The following TANC2 variants were observed in gnomAD, a reference collection of about 807,000 sequenced individuals.
The protein encoded by TANC2 is protein TANC2.
In TANC2, 26 loss-of-function variants were observed where a neutral mutation model predicts 210.5. The observed-to-expected ratio is 0.12, with a 90% CI of 0.09 to 0.17. TANC2 has a LOEUF of 0.17. Ranked by LOEUF, TANC2 falls within the 10% of genes least tolerant of loss-of-function variation. The probability of loss-of-function intolerance (pLI) is 1.00; values close to 1 mark genes in which losing one functional copy is unlikely to be tolerated. For missense variants in TANC2, 2,129 were observed against 2,608.9 expected, an observed-to-expected ratio of 0.82 and a Z score of 4.01; for synonymous variants, 931 against 967.1, an observed-to-expected ratio of 0.96 and a Z score of 0.69.
intron 2 of TANC2, among the ~76,000 whole-genome samples, chr17:63,070,253 T>A (rs1045391741): frequency 2.0e-5 from 3 of 152,210 alleles, no homozygotes; most frequent in Non-Finnish European, 4.4e-5. Flanking sequence ...CAGTGCATTG[T>A]GCACTTTTAG....
intron 21 of TANC2, among the ~76,000 whole-genome samples, chr17:63,408,989 G>A (rs989929817): frequency 2.1e-5 from 3 of 145,990 alleles, no homozygotes; most frequent in African/African-American, 8.4e-5. Flanking sequence ...ATTTTAGACT[G>A]ATTACAAAAC....
intron 17 of TANC2, among the ~76,000 whole-genome samples, chr17:63,393,778 T>C (rs1209285864): frequency 1.2e-5 from 1 of 85,212 alleles, no homozygotes; most frequent in Non-Finnish European, 2.5e-5. Context: ...TTATTATTAT[T>C]TTTTTTTTTT....
chr17:63,125,707 T>G (rs1598435863), intron 4 of TANC2, among the ~76,000 whole-genome samples: 2 of 152,354 alleles, frequency 1.3e-5, no homozygotes, highest in Non-Finnish European at 2.9e-5. Context: ...TTCTCCTTCC[T>G]TGTTTTATTT....
At chr17:63,141,595 C>T (rs999027886) in intron 4 of TANC2, among the ~76,000 whole-genome samples, 22 of 151,116 alleles carry the variant, frequency 1.5e-4, no homozygotes, top group African/African-American at 5.1e-4. Context: ...TTTTATTTGT[C>T]GTTACATAGC....
At chr17:63,331,196 T>C (rs1002193330) in intron 11 of TANC2, among the ~76,000 whole-genome samples, 15 of 152,384 alleles carry the variant, frequency 9.8e-5, no homozygotes, top group African/African-American at 3.1e-4. Flanking sequence ...TGATGCATTA[T>C]CACTTCTTTA....
intron 8 of TANC2, among the ~76,000 whole-genome samples, chr17:63,246,748 G>C (rs1460855840): frequency 6.6e-6 from 1 of 152,068 alleles, no homozygotes; most frequent in Non-Finnish European, 1.5e-5. Flanking sequence ...GGTCTATTGT[G>C]AATAGTGCTG....
At chr17:63,183,867 A>C (rs936377729) in intron 5 of TANC2, among the ~76,000 whole-genome samples, 1 of 152,202 alleles carries the variant, frequency 6.6e-6, no homozygotes. Flanking sequence ...AATACAAAAA[A>C]TTAGCCGGGC....
intron 1 of TANC2, among the ~76,000 whole-genome samples, chr17:62,999,727 G>C (rs2033284088): frequency 6.6e-6 from 1 of 151,944 alleles, no homozygotes; most frequent in South Asian, 2.1e-4. Flanking sequence ...CCAAAAGATT[G>C]GACATCCCTG....
chr17:63,211,606 T>C (rs888111728), intron 7 of TANC2, among the ~76,000 whole-genome samples: 7 of 152,144 alleles, frequency 4.6e-5, no homozygotes, highest in African/African-American at 1.2e-4. Flanking sequence ...TCAGGACATA[T>C]TATTACTCCA....
intron 9 of TANC2, among the ~76,000 whole-genome samples, chr17:63,295,282 G>A (rs1010289787): frequency 5.9e-5 from 9 of 152,016 alleles, no homozygotes; most frequent in African/African-American, 1.7e-4. Flanking sequence ...AATTAATTAC[G>A]TTTTTAGAAA....
chr17:63,340,430 A>C, intron 12 of TANC2, 98 bp downstream of exon 12: 1 of 994,130 alleles, frequency 1.0e-6, no homozygotes, highest in Non-Finnish European at 1.5e-6. Context: ...ACATTGCCAA[A>C]ACTAAATGTT....
At chr17:62,999,519 A>T (rs1254806702) in intron 1 of TANC2, among the ~76,000 whole-genome samples, 1 of 148,864 alleles carries the variant, frequency 6.7e-6, no homozygotes, top group African/African-American at 2.5e-5. Context: ...ACGTATGTGC[A>T]CCCAACACAG....
chr17:63,267,584 G>T (rs2043567983), intron 8 of TANC2, among the ~76,000 whole-genome samples, 164 bp from the exon 9 acceptor site: 1 of 151,972 alleles, frequency 6.6e-6, no homozygotes, highest in African/African-American at 2.4e-5. Flanking sequence ...CACTTATTTG[G>T]ATTTTTAAAG....
intron 1 of TANC2, among the ~76,000 whole-genome samples, chr17:62,977,252 C>T (rs1282962593): frequency 6.6e-6 from 1 of 152,160 alleles, no homozygotes; most frequent in Non-Finnish European, 1.5e-5. Flanking sequence ...TTCTGCTTAT[C>T]TGTGTATCTT....
chr17:63,037,788 G>C (rs894415352), intron 2 of TANC2, among the ~76,000 whole-genome samples: 7 of 152,036 alleles, frequency 4.6e-5, no homozygotes, highest in Non-Finnish European at 8.8e-5. Flanking sequence ...TGTTCCAGCT[G>C]GGCGGCAGAC....
At chr17:63,207,473 C>T (rs889526567) in intron 7 of TANC2, among the ~76,000 whole-genome samples, 1 of 152,110 alleles carries the variant, frequency 6.6e-6, no homozygotes, top group Non-Finnish European at 1.5e-5. Context: ...CCTCAGCCTC[C>T]CAAAGTGCTG....
At chr17:63,304,228 G>C (rs954659604) in intron 9 of TANC2, among the ~76,000 whole-genome samples, 2 of 152,104 alleles carry the variant, frequency 1.3e-5, no homozygotes, top group South Asian at 4.1e-4. Context: ...AGTCTGTCTA[G>C]TATTGATCTT....
chr17:63,126,849 A>AC (rs1555578079), intron 4 of TANC2, among the ~76,000 whole-genome samples: 5 of 151,396 alleles, frequency 3.3e-5, no homozygotes, highest in Admixed American at 6.6e-5. Context: ...TTACCTCCCC[A>AC]CCCCCCACTG....
chr17:63,412,767 TCTC>T lies in TANC2; in HGVS notation c.3928+62_3928+64del. 1 of 1,530,578 alleles carries T rather than the reference TCTC, an allele frequency of 6.5e-7. No individual in the cohort carries two copies. Among genetic ancestry groups the T allele is most frequent in the Middle Eastern group, 1.7e-4 (1 of 5,966 alleles). The allele number at this position is 1,530,578 out of a possible 1,614,324, so 94.8% of individuals were successfully genotyped here. A position where few individuals can be genotyped will look rare whatever the true frequency, so the allele number is the denominator to read the frequency against. ...TCTGATGGCTTGGTCAGCTTTGCCT[TCTC>T]CTCTTTGGTTTAGCCTGCATGAGTT... On this transcript the variant is annotated intron_variant, in intron 24 of 27. Transcript: ENST00000689528. The surrounding 1 kb of genome is among the most constrained non-coding windows in gnomAD (Gnocchi z 4.2).
Sources: gnomAD v4.1 joint callset for allele counts (sites outside exome capture counted in the v4.1 genomes callset) on GRCh38, gnomAD v4.1.1 for gene constraint, Gnocchi (gnomAD v3.1) non-coding constraint, MANE v1.5 for transcripts, NCBI Gene and HGNC (gene_info 2026-07-23, HGNC 2026-07-21) for gene names.